ACIN1: variants seen among roughly 807,000 people sequenced by gnomAD.
ACIN1 encodes apoptotic chromatin condensation inducer 1.
In ACIN1, 16 loss-of-function variants were observed where a neutral mutation model predicts 146.6. The observed-to-expected ratio is 0.11, with a 90% confidence interval of 0.07 to 0.17. The LOEUF (loss-of-function observed/expected upper bound fraction) is 0.17. ACIN1 is among the 10% of genes least tolerant of loss of function. The probability of loss-of-function intolerance (pLI) is 1.00; values close to 1 mark genes in which losing one functional copy is unlikely to be tolerated. For synonymous variants in ACIN1, 569 were observed against 582.7 expected (o/e 0.98, Z 0.34); for missense variants, 1,357 against 1,609.3 (o/e 0.84, Z 2.68).
At position 23,068,766 on chromosome 14, in the gene ACIN1, C is replaced by T; in HGVS notation, c.2265+710G>A. On this transcript the variant is annotated intron_variant, in intron 9 of 18. Coordinates refer to ENST00000605057, the MANE Select transcript of ACIN1 (RefSeq NM_001386863.1). This position sits in a 1 kb window ranked among gnomAD's most constrained non-coding sequence, Gnocchi z 4.3. ...CCGGCCCCCACCCCCGCAACACACA[C>T]CAGAAAAAGGCTACACACACAACAG... The T allele has an allele frequency of 3.0e-6, 3 of 985,506 alleles. No homozygotes were observed. Among genetic ancestry groups the T allele is most frequent in the Non-Finnish European group, 3.6e-6 (3 of 829,998 alleles). 61.0% of individuals were successfully genotyped at this position (985,506 alleles called of 1,614,324 possible).
intron 1 of ACIN1, among the ~76,000 whole-genome samples, chr14:23,094,104 C>CCACACAAACACACA (rs11268188): frequency 0.37 from 55,318 of 150,754 alleles, 12,672 homozygotes; most frequent in Admixed American, 0.48. Context: ...CCTAGTCTAT[C>CCACACAAACACACA]CACACAAACA....
rs2047282468 is a variant in ACIN1 at position 23,061,586 on chromosome 14, A to G, written c.3136T>C (p.Ser1046Pro). 1.3e-6 allele frequency: 2 copies of G among 1,554,762 alleles called. No individual in the cohort carries two copies. Among genetic ancestry groups the G allele is most frequent in the Non-Finnish European group, 1.7e-6 (2 of 1,150,218 alleles). The change falls in exon 17 of 19, where the codon TCT becomes CCT. Residue 1046 changes from serine to proline, a missense_variant. Ser to Pro is a moderately conservative substitution (Grantham distance 74). Around this residue, in one of 4 missense-constraint regions of ACIN1, gnomAD observed 509 missense variants for 719.6 expected, o/e 0.71. Coordinates refer to ENST00000605057, the MANE Select transcript of ACIN1 (RefSeq NM_001386863.1). The stretch of plus-strand genomic sequence containing the variant: ...CCCTGCTCCTCTGTCTTAGTTTCAG[A>G]GGGACGGTCCACCAAGAGGCCTCGG... The part of the protein sequence containing the change: ...YHRGLLVDRP[S>P]ETKTEEQGIP...
chr14:23,063,097 A>G (rs139661272), intron 13 of ACIN1, 23 bp from the exon 14 acceptor site: 2 of 1,583,210 alleles, frequency 1.3e-6, no homozygotes, highest in African/African-American at 2.7e-5. Context: ...CCACAAGAAC[A>G]GCTTTTGGTA....
intron 6 of ACIN1, among the ~76,000 whole-genome samples, 154 bp downstream of exon 6, chr14:23,079,393 C>G (rs539517857): frequency 6.6e-6 from 1 of 152,274 alleles, no homozygotes; most frequent in Non-Finnish European, 1.5e-5. Flanking sequence ...ATTGAAAATA[C>G]GATTCTGAAA....
intron 7 of ACIN1, 132 bp from the exon 8 acceptor site, chr14:23,078,398 T>G: frequency 3.2e-6 from 2 of 618,552 alleles, no homozygotes; most frequent in South Asian, 4.4e-5. Flanking sequence ...CCTCTGTATC[T>G]GTTATTTCAT....
intron 3 of ACIN1, 51 bp from the exon 4 acceptor site, chr14:23,090,152 T>G (rs1036623206): frequency 6.3e-7 from 1 of 1,586,574 alleles, no homozygotes; most frequent in Admixed American, 1.7e-5. Flanking sequence ...GGACTCAGCA[T>G]GTAGGAATAT....
intron 2 of ACIN1, among the ~76,000 whole-genome samples, chr14:23,090,875 A>G (rs1202742686): frequency 6.6e-6 from 1 of 152,230 alleles, no homozygotes; most frequent in Non-Finnish European, 1.5e-5. Flanking sequence ...TTCAGTTCCC[A>G]AAGAGTGATA....
In ACIN1 at chr14:23,080,192, C is replaced by A. The variant is rs2140157025; in HGVS notation, c.1143G>T (p.Glu381Asp). The change falls in exon 6 of 19, where the codon GAG becomes GAT. Residue 381 changes from glutamate to aspartate, a missense_variant. Glu to Asp is a conservative substitution (Grantham distance 45). Around this residue, in one of 4 missense-constraint regions of ACIN1, gnomAD observed 771 missense variants for 746.6 expected, o/e 1.03. Transcript: ENST00000605057. Reference protein sequence around the residue: ...HPQLHSEEEIEPMEGPAPAVL... With the variant: ...HPQLHSEEEIDPMEGPAPAVL... ...CAGCGGGGGCTGGGCCTTCCATGGG[C>A]TCTATTTCTTCTTCGCTATGGAGCT... 6.2e-7 allele frequency: 1 copy of A among 1,614,112 alleles called. No homozygotes were observed. Among genetic ancestry groups the A allele is most frequent in the South Asian group, 1.1e-5 (1 of 91,080 alleles).
chr14:23,090,443 C>T lies in ACIN1; in HGVS notation c.316+79G>A, dbSNP rs2048201294. The stretch of plus-strand genomic sequence containing the variant: ...CAGCCTCACTTATTTCTGAAATTGT[C>T]TAGTTAGACAGGCCTATCTACTTGG... On this transcript the variant is annotated intron_variant, in intron 3 of 18. Transcript: ENST00000605057. 17 of 1,250,402 alleles carry T rather than the reference C, an allele frequency of 1.4e-5. No individual in the cohort carries two copies. The East Asian group carries it at 1.7e-4, about 12-fold the overall frequency. 77.5% of individuals were successfully genotyped at this position (1,250,402 alleles called of 1,614,324 possible). A position where few individuals can be genotyped will look rare whatever the true frequency, so the allele number is the denominator to read the frequency against.
Position 23,067,496 on chromosome 14 carries a change from A to AGG in ACIN1, c.2266-1490_2266-1489dup. The AGG allele has an allele frequency of 3.9e-6, 1 of 255,932 alleles. No individual in the cohort carries two copies. The allele number at this position is 255,932 out of a possible 1,614,324, so 15.9% of individuals were successfully genotyped here. A position where few individuals can be genotyped will look rare whatever the true frequency, so the allele number is the denominator to read the frequency against. On this transcript the variant is annotated intron_variant, in intron 9 of 18. Transcript: ENST00000605057. The surrounding 1 kb of genome is among the most constrained non-coding windows in gnomAD (Gnocchi z 4.6). ...ACTGCCAGAGTCCTCCCAGGGGCGC[A>AGG]GGGGGGGCGGGAGGGAAACGTGTGG...
intron 4 of ACIN1, among the ~76,000 whole-genome samples, chr14:23,087,059 C>T (rs1191366103): frequency 6.6e-6 from 1 of 152,106 alleles, no homozygotes; most frequent in Non-Finnish European, 1.5e-5. Flanking sequence ...GTGCCAGTAG[C>T]GTTTAGAAAA....
rs1420508831 is a variant in ACIN1, at chr14:23,061,490, G to A, written c.3232C>T (p.Arg1078Trp). The change falls in exon 17 of 19, where the codon CGG becomes TGG. Residue 1078 changes from arginine (R) to tryptophan (W), a missense_variant. By Grantham distance (101) the Arg-to-Trp change is moderately radical. Transcript: ENST00000605057. ...TCCCGCACTGCCCGTTCCTGCTCCCGCTGCTCTGCCCGGGGGTGCTGTGGT... is the reference window on the plus strand; with the variant it reads ...TCCCGCACTGCCCGTTCCTGCTCCCACTGCTCTGCCCGGGGGTGCTGTGGT... ...QPPQHPRAEQ[R>W]EQERAVREQW... 8.7e-6 allele frequency: 14 copies of A among 1,610,636 alleles called. No homozygotes were observed. Among genetic ancestry groups the A allele is most frequent in the Admixed American group, 1.7e-5 (1 of 59,648 alleles).
chr14:23,087,871 T>C (rs117007830), intron 4 of ACIN1, among the ~76,000 whole-genome samples: 2,308 of 152,288 alleles, frequency 0.015, 27 homozygotes, highest in Middle Eastern at 0.037. Flanking sequence ...TTCATTCCTA[T>C]CTCTCTGACT....
rs1167401552 is a variant in ACIN1, at chr14:23,090,001, C to T, written c.417G>A (p.Glu139=). The T allele has an allele frequency of 2.5e-6, 4 of 1,612,724 alleles. No individual in the cohort carries two copies. The South Asian group carries it at 3.3e-5, about 13-fold the overall frequency. The change falls in exon 4 of 19, where the codon GAG becomes GAA. Residue 139 remains glutamate, a synonymous_variant. Transcript: ENST00000605057. ...ACGTACTGGGCGAATGTCTGCTGAG[C>T]TCCAGCTCTGGTCTCTCCAGGCTGC... is the stretch of plus-strand genomic sequence containing the variant. ...FQSSLERPEL[E]LSRHSPRKSS... is the part of the protein sequence containing the mutation.
chr14:23,089,041 T>C (rs924701875), intron 4 of ACIN1, among the ~76,000 whole-genome samples: 1 of 152,148 alleles, frequency 6.6e-6, no homozygotes, highest in Non-Finnish European at 1.5e-5. Context: ...GTGCCTATTA[T>C]GATTTTATGT....
rs1297236739 is a variant in ACIN1 at position 23,068,101 on chromosome 14, G to T, written c.2265+1375C>A. On this transcript the variant is annotated intron_variant, in intron 9 of 18. Coordinates refer to ENST00000605057, the MANE Select transcript of ACIN1 (RefSeq NM_001386863.1). The surrounding 1 kb of genome is among the most constrained non-coding windows in gnomAD (Gnocchi z 4.3). ...AGGAAAGTCCATCTGATGAGCAAGT[G>T]GTGACACATGGGCTGGGCTGTCATC... is the stretch of plus-strand genomic sequence containing the variant. 1.0e-6 allele frequency: 1 copy of T among 985,858 alleles called. No homozygotes were observed. Among genetic ancestry groups the T allele is most frequent in the Non-Finnish European group, 1.2e-6 (1 of 829,952 alleles). 61.1% of individuals were successfully genotyped at this position (985,858 alleles called of 1,614,324 possible). A position where few individuals can be genotyped will look rare whatever the true frequency, so the allele number is the denominator to read the frequency against.
chr14:23,083,321 C>T (rs1055749491), intron 4 of ACIN1, among the ~76,000 whole-genome samples: 2 of 151,940 alleles, frequency 1.3e-5, no homozygotes, highest in Non-Finnish European at 2.9e-5. Context: ...CCTCCCACCC[C>T]GGTCCTCCCA....
upstream of ACIN1, chr14:23,095,240 A>G (rs1186798260): frequency 6.2e-7 from 1 of 1,609,568 alleles, no homozygotes; most frequent in African/African-American, 1.3e-5. Context: ...ACCACTCAGA[A>G]CTCCCCGGGT....
chr14:23,068,948 C>T lies in ACIN1; in HGVS notation c.2265+528G>A. On this transcript the variant is annotated intron_variant, in intron 9 of 18. Transcript: ENST00000605057. This position sits in a 1 kb window ranked among gnomAD's most constrained non-coding sequence, Gnocchi z 4.3. ...GCCAAAAAAGGAGGTAGAGGGGTCA[C>T]AGGTAACTGAGAATGGGCCTTCCGG... is the stretch of plus-strand genomic sequence containing the variant. The T allele has an allele frequency of 1.0e-6, 1 of 985,544 alleles. No individual in the cohort carries two copies. The highest frequency in any genetic ancestry group is 1.1e-4 in the East Asian group (1 of 8,812). The allele number at this position is 985,544 out of a possible 1,614,324, so 61.0% of individuals were successfully genotyped here.
Sources: gnomAD v4.1 joint callset for allele counts (sites outside exome capture counted in the v4.1 genomes callset) on GRCh38, gnomAD v4.1.1 for gene constraint, gnomAD v4.1.1 regional missense constraint, Gnocchi (gnomAD v3.1) non-coding constraint, MANE v1.5 for transcripts, NCBI Gene and HGNC (gene_info 2026-07-23, HGNC 2026-07-21) for gene names.